HDAC9: variants seen among roughly 807,000 people sequenced by gnomAD.
The protein encoded by HDAC9 is histone deacetylase 9, also known as MEF-2 interacting transcription repressor (MITR) protein.
A neutral mutation model predicts 139.4 loss-of-function variants in HDAC9; 41 were observed. The observed-to-expected ratio is 0.29, with a 90% CI of 0.23 to 0.38. The LOEUF (loss-of-function observed/expected upper bound fraction) is 0.38, where lower values mean the gene tolerates loss of function less well. Among genes scored for constraint, HDAC9 ranks in the 10% least tolerant of loss-of-function variants. The pLI, the probability that HDAC9 is intolerant of heterozygous loss-of-function variation, is 1.00. For missense variants in HDAC9, 1,147 were observed against 1,297.0 expected, an observed-to-expected ratio of 0.88 and a Z score of 1.78; for synonymous variants, 517 against 476.2, an observed-to-expected ratio of 1.09 and a Z score of -1.12.
At chr7:18,293,110 C>T (rs568530302) in intron 1 of HDAC9, among the ~76,000 whole-genome samples, 1 of 152,004 alleles carries the variant, frequency 6.6e-6, no homozygotes, top group Non-Finnish European at 1.5e-5. Flanking sequence ...AATTTGCAAT[C>T]GTTCATTTTT....
At position 18,406,873 on chromosome 7, in the gene HDAC9, A is replaced by G. The variant is rs1788060562; in HGVS notation, c.-41-89389A>G. On this transcript the variant is annotated intron_variant, in intron 1 of 3. Coordinates refer to the HDAC9 transcript ENST00000413509. ...AATATAGTGATGAAGGACTCTCTTT[A>G]TACACATAAAGATGTATTGCTTAAA... Among the ~76,000 whole-genome samples the G allele has an allele frequency of 2.0e-5, 3 of 152,108 alleles. No homozygotes were observed. The South Asian group carries it at 6.2e-4, about 32-fold the overall frequency.
At chr7:18,640,560 C>G (rs1167737815) in intron 8 of HDAC9, among the ~76,000 whole-genome samples, 1 of 151,726 alleles carries the variant, frequency 6.6e-6, no homozygotes, top group Non-Finnish European at 1.5e-5. Context: ...CTCTCCATCT[C>G]CTTTCCCCAC....
At chr7:18,876,259 G>C (rs1465287246) in intron 22 of HDAC9, among the ~76,000 whole-genome samples, 1 of 151,992 alleles carries the variant, frequency 6.6e-6, no homozygotes, top group Non-Finnish European at 1.5e-5. Context: ...CTATTCATTG[G>C]AGAGGAAGCT....
chr7:18,400,232 T>A (rs1353198941), intron 1 of HDAC9, among the ~76,000 whole-genome samples: 1 of 152,210 alleles, frequency 6.6e-6, no homozygotes, highest in Non-Finnish European at 1.5e-5. Flanking sequence ...CTGTTTTCCC[T>A]TATTTAGTTT....
intron 17 of HDAC9, among the ~76,000 whole-genome samples, chr7:18,823,297 G>A (rs376933874): frequency 3.4e-4 from 52 of 152,298 alleles, no homozygotes; most frequent in African/African-American, 1.3e-3. Flanking sequence ...GTAGGAGATT[G>A]GAAGAACGAA....
chr7:18,530,091 G>A (rs570796811), intron 2 of HDAC9, among the ~76,000 whole-genome samples: 176 of 151,766 alleles, frequency 1.2e-3, no homozygotes, highest in Middle Eastern at 3.4e-3. Flanking sequence ...ACCAGGCTGG[G>A]CAACAAAGCA....
chr7:18,855,740 G>A (rs572605972), intron 21 of HDAC9, among the ~76,000 whole-genome samples: 1 of 151,972 alleles, frequency 6.6e-6, no homozygotes, highest in African/African-American at 2.4e-5. Context: ...AGAGGGAGAA[G>A]GGATTCTTAG....
intron 1 of HDAC9, among the ~76,000 whole-genome samples, chr7:18,339,711 G>A (rs914604220): frequency 8.6e-5 from 13 of 151,282 alleles, no homozygotes; most frequent in African/African-American, 3.1e-4. Context: ...ATATGTTTCT[G>A]TAAGTGATTT....
At chr7:18,810,702 C>T (rs540008924) in intron 17 of HDAC9, among the ~76,000 whole-genome samples, 1 of 151,958 alleles carries the variant, frequency 6.6e-6, no homozygotes, top group South Asian at 2.1e-4. Flanking sequence ...TAGGCAGACA[C>T]TGATCTGTTT....
At chr7:18,154,658 C>T (rs1253164311) in intron 1 of HDAC9, among the ~76,000 whole-genome samples, 1 of 152,180 alleles carries the variant, frequency 6.6e-6, no homozygotes. Flanking sequence ...TACAAGAGCA[C>T]TTTGCTCAAC....
intron 2 of HDAC9, among the ~76,000 whole-genome samples, chr7:18,205,041 G>A (rs1415900920): frequency 6.6e-6 from 1 of 151,822 alleles, no homozygotes; most frequent in Non-Finnish European, 1.5e-5. Context: ...ATACATATAT[G>A]CACAAATACA....
intron 2 of HDAC9, among the ~76,000 whole-genome samples, chr7:18,249,238 C>A (rs964037738): frequency 1.5e-4 from 23 of 151,988 alleles, no homozygotes; most frequent in Non-Finnish European, 2.6e-4. Flanking sequence ...TGTGGTGGCT[C>A]ACGCCTGTAA....
At chr7:18,185,812 C>G (rs990326667) in intron 2 of HDAC9, among the ~76,000 whole-genome samples, 52 of 152,032 alleles carry the variant, frequency 3.4e-4, no homozygotes, top group African/African-American at 1.2e-3. Context: ...TGAAAAAATC[C>G]AGCGATTATC....
intron 6 of HDAC9, among the ~76,000 whole-genome samples, chr7:18,628,294 ATACT>A (rs1036933985): frequency 1.3e-5 from 2 of 152,164 alleles, no homozygotes; most frequent in African/African-American, 4.8e-5. Context: ...CTTGGGCAAG[ATACT>A]TACCCTGTCT....
chr7:18,401,940 C>T (rs980338627), intron 1 of HDAC9, among the ~76,000 whole-genome samples: 1 of 152,180 alleles, frequency 6.6e-6, no homozygotes, highest in East Asian at 1.9e-4. Context: ...CCTTTTTCAG[C>T]TCCCACTGGC....
intron 6 of HDAC9, among the ~76,000 whole-genome samples, chr7:18,607,871 A>G (rs572181299): frequency 2.6e-5 from 4 of 152,320 alleles, no homozygotes; most frequent in African/African-American, 7.2e-5. Context: ...GCACAGTGGT[A>G]TCTCAAATTA....
intron 17 of HDAC9, among the ~76,000 whole-genome samples, chr7:18,818,475 C>G (rs748219486): frequency 3.9e-5 from 6 of 152,078 alleles, no homozygotes; most frequent in Non-Finnish European, 4.4e-5. Flanking sequence ...CAAAGAAACA[C>G]AATCATCTCA....
chr7:18,759,247 A>G (rs902495102), intron 14 of HDAC9, among the ~76,000 whole-genome samples: 9 of 152,126 alleles, frequency 5.9e-5, no homozygotes, highest in Non-Finnish European at 1.3e-4. Context: ...ACGGACCACT[A>G]CTGGTCCATG....
intron 2 of HDAC9, among the ~76,000 whole-genome samples, chr7:18,574,821 G>A (rs971927267): frequency 1.2e-4 from 19 of 152,384 alleles, no homozygotes; most frequent in Non-Finnish European, 2.8e-4. Flanking sequence ...AGTGCTGGGA[G>A]CATGGAGAGG....
Sources: gnomAD v4.1 joint callset for allele counts (sites outside exome capture counted in the v4.1 genomes callset) on GRCh38, gnomAD v4.1.1 for gene constraint, MANE v1.5 for transcripts, NCBI Gene and HGNC (gene_info 2026-07-23, HGNC 2026-07-21) for gene names.